ZFYVE1: variants seen among roughly 807,000 people sequenced by gnomAD.
ZFYVE1 encodes the protein zinc finger FYVE-type containing 1.
In ZFYVE1, 30 loss-of-function variants were observed where a neutral mutation model predicts 74.4. The observed-to-expected ratio is 0.40, with a 90% CI of 0.30 to 0.55. ZFYVE1 has a LOEUF of 0.55. Among genes scored for constraint, ZFYVE1 ranks in the 20% least tolerant of loss-of-function variants. The probability of loss-of-function intolerance (pLI) is 0.42; values close to 1 mark genes in which losing one functional copy is unlikely to be tolerated. For missense variants in ZFYVE1, 703 were observed against 1,011.6 expected (o/e 0.69, Z 4.14); for synonymous variants, 335 against 385.1 (o/e 0.87, Z 1.52).
At chr14:72,997,417 C>T (rs1893773501) in intron 3 of ZFYVE1, among the ~76,000 whole-genome samples, 2 of 151,990 alleles carry the variant, frequency 1.3e-5, no homozygotes, top group Admixed American at 6.6e-5. Flanking sequence ...AGGCTGATCT[C>T]TAACTCTTGG....
chr14:73,017,295 T>G (rs762613961), intron 2 of ZFYVE1, among the ~76,000 whole-genome samples: 1 of 152,190 alleles, frequency 6.6e-6, no homozygotes, highest in Non-Finnish European at 1.5e-5. Context: ...AGATAACTCC[T>G]TCTGTCGGGG....
chr14:72,991,824 G>C (rs1454681366), intron 4 of ZFYVE1, among the ~76,000 whole-genome samples: 1 of 151,840 alleles, frequency 6.6e-6, no homozygotes, highest in African/African-American at 2.4e-5. Flanking sequence ...AACATTCACT[G>C]AACATTTTTA....
rs1418862114 is a variant in ZFYVE1, at chr14:72,975,364, G to C, written c.1806+187C>G. 6.6e-6 allele frequency among the ~76,000 whole-genome samples: 1 copy of C among 152,128 alleles called. No individual in the cohort carries two copies. The highest frequency in any genetic ancestry group is 1.5e-5 in the Non-Finnish European group (1 of 68,026). ...GAAAATACTTGCAGGAAAACACGAA[G>C]GGAAATCAATGGGCAAAGAGAAACT... is the stretch of plus-strand genomic sequence containing the variant. On this transcript the variant is annotated intron_variant, in intron 9 of 11. Transcript: ENST00000556143. This position sits in a 1 kb window ranked among gnomAD's most constrained non-coding sequence, Gnocchi z 4.1.
At chr14:72,996,456 C>T (rs575023135) in intron 3 of ZFYVE1, among the ~76,000 whole-genome samples, 13 of 152,142 alleles carry the variant, frequency 8.5e-5, no homozygotes, top group Non-Finnish European at 5.9e-5. Context: ...TGCAATAACA[C>T]GATCACAGCT....
chr14:73,006,161 C>T (rs974059732), intron 2 of ZFYVE1, among the ~76,000 whole-genome samples: 4 of 152,086 alleles, frequency 2.6e-5, no homozygotes, highest in South Asian at 2.1e-4. Context: ...CCTCGTGATC[C>T]GCCCGCCTGG....
At chr14:73,010,475 C>T (rs1356963366) in intron 2 of ZFYVE1, among the ~76,000 whole-genome samples, 2 of 152,146 alleles carry the variant, frequency 1.3e-5, no homozygotes, top group Non-Finnish European at 2.9e-5. Context: ...GTGGCACATG[C>T]TTGTAATCCC....
intron 2 of ZFYVE1, among the ~76,000 whole-genome samples, chr14:73,000,608 GAA>G (rs554256584): frequency 2.6e-5 from 3 of 113,380 alleles, no homozygotes; most frequent in Non-Finnish European, 1.9e-5. Context: ...TGTCTCTAAA[GAA>G]AAAAAAAAAA....
intron 2 of ZFYVE1, among the ~76,000 whole-genome samples, chr14:73,000,033 T>C (rs1893836675): frequency 6.6e-6 from 1 of 152,156 alleles, no homozygotes; most frequent in Admixed American, 6.5e-5. Context: ...CACTCCAGTC[T>C]GGGTGACAGA....
At chr14:72,972,652 G>C (rs1295780926) in intron 11 of ZFYVE1, among the ~76,000 whole-genome samples, 1 of 151,368 alleles carries the variant, frequency 6.6e-6, no homozygotes, top group African/African-American at 2.4e-5. Flanking sequence ...TCTCCCCCTC[G>C]CCATCCTAAA....
intron 4 of ZFYVE1, among the ~76,000 whole-genome samples, chr14:72,992,869 G>T (rs991502404): frequency 6.6e-6 from 1 of 152,044 alleles, no homozygotes; most frequent in African/African-American, 2.4e-5. Context: ...AACTCACCAG[G>T]GCTGAGCCAC....
At chr14:72,980,228 T>C (rs1311597482) in intron 5 of ZFYVE1, among the ~76,000 whole-genome samples, 1 of 152,202 alleles carries the variant, frequency 6.6e-6, no homozygotes, top group East Asian at 1.9e-4. Context: ...ATGCAGCAGG[T>C]GGCCTACAGG....
chr14:72,989,456 G>C (rs912238466), intron 4 of ZFYVE1, among the ~76,000 whole-genome samples: 3 of 152,134 alleles, frequency 2.0e-5, no homozygotes, highest in African/African-American at 7.2e-5. Context: ...AGACTGAGGA[G>C]GGGGGAGGTA....
rs1194569073 is a variant in ZFYVE1, at chr14:72,969,464, C to T, written c.*1418G>A. On this transcript the variant is annotated 3_prime_UTR_variant, in exon 12 of 12. Coordinates refer to ENST00000556143, the MANE Select transcript of ZFYVE1 (RefSeq NM_021260.4). ...GCACAGTCGAGATGCAGGAAGATTC[C>T]TTTATGATGGCGAATTGGATGGTAC... is the stretch of plus-strand genomic sequence containing the variant. 2.2e-6 allele frequency: 1 copy of T among 464,830 alleles called. No individual in the cohort carries two copies. Among genetic ancestry groups the T allele is most frequent in the African/African-American group, 2.0e-5 (1 of 50,556 alleles). 28.8% of individuals were successfully genotyped at this position (464,830 alleles called of 1,614,324 possible). A position where few individuals can be genotyped will look rare whatever the true frequency, so the allele number is the denominator to read the frequency against.
intron 2 of ZFYVE1, among the ~76,000 whole-genome samples, chr14:73,008,952 C>G (rs1179507647): frequency 2.0e-5 from 3 of 152,176 alleles, no homozygotes; most frequent in Non-Finnish European, 4.4e-5. Context: ...TCCCACCCAC[C>G]ACCTCTGTTA....
At chr14:73,023,298 ATATAT>A (rs1295090678) in intron 2 of ZFYVE1, among the ~76,000 whole-genome samples, 1 of 118,824 alleles carries the variant, frequency 8.4e-6, no homozygotes, top group East Asian at 2.1e-4. Flanking sequence ...TATATATAAT[ATATAT>A]TATATATGTT....
chr14:73,013,711 G>A (rs76451188), intron 2 of ZFYVE1, among the ~76,000 whole-genome samples: 8,669 of 152,066 alleles, frequency 0.057, 330 homozygotes, highest in Non-Finnish European at 0.089. Context: ...CTTTCCATAC[G>A]TCTTTCCAAC....
chr14:72,985,979 T>G (rs12886469), intron 4 of ZFYVE1, among the ~76,000 whole-genome samples: 2 of 151,940 alleles, frequency 1.3e-5, no homozygotes, highest in African/African-American at 4.8e-5. Flanking sequence ...AGCCTAAGTA[T>G]TGGTTTTCCT....
rs372780063 is a variant in ZFYVE1, at chr14:72,998,545, AAAAAG to A, written c.484-235_484-231del. 4.1e-3 allele frequency among the ~76,000 whole-genome samples: 628 copies of A among 152,162 alleles called. 1 individual carries two copies. Among genetic ancestry groups the A allele is most frequent in the Non-Finnish European group, 6.2e-3 (419 of 67,996 alleles). Reference sequence around the variant, plus strand: ...CCAAAAGAGCTAAAACTATAAAAAGAAAAAGAAAAGAAAAGAAAAGAAAAAAACAA... The same window carrying A: ...CCAAAAGAGCTAAAACTATAAAAAGAAAAAGAAAAGAAAAGAAAAAAACAA... On this transcript the variant is annotated intron_variant, in intron 2 of 11. Transcript: ENST00000556143.
chr14:72,985,820 T>C (rs1893465022), intron 4 of ZFYVE1, among the ~76,000 whole-genome samples: 1 of 152,116 alleles, frequency 6.6e-6, no homozygotes, highest in Non-Finnish European at 1.5e-5. Flanking sequence ...GGTCTTACTA[T>C]GTTGCCCAGG....
Sources: gnomAD v4.1 joint callset for allele counts (sites outside exome capture counted in the v4.1 genomes callset) on GRCh38, gnomAD v4.1.1 for gene constraint, Gnocchi (gnomAD v3.1) non-coding constraint, MANE v1.5 for transcripts, NCBI Gene and HGNC (gene_info 2026-07-23, HGNC 2026-07-21) for gene names.